DMD: variants seen among roughly 807,000 people sequenced by gnomAD.
DMD encodes dystrophin.
A neutral mutation model predicts 330.1 loss-of-function variants in DMD; 63 were observed. That is an observed-to-expected ratio of 0.19 (90% CI 0.16 to 0.24). DMD has a LOEUF of 0.24. DMD is among the 10% of genes least tolerant of loss of function. The pLI, the probability that DMD is intolerant of heterozygous loss-of-function variation, is 1.00. For missense variants in DMD, 3,344 were observed against 2,684.1 expected (o/e 1.25, Z -5.43); for synonymous variants, 1,223 against 959.8 (o/e 1.27, Z -5.07).
At chrX:32,051,519 T>A (rs2096114900) in intron 44 of DMD, among the ~76,000 whole-genome samples, 1 of 109,782 alleles carries the variant, frequency 9.1e-6, no homozygotes, top group Admixed American at 9.9e-5. Flanking sequence ...GTTAAGTATA[T>A]GGAATGCTGA....
At chrX:32,514,815 G>T (rs1253466175) in intron 18 of DMD, among the ~76,000 whole-genome samples, 6 of 112,635 alleles carry the variant, frequency 5.3e-5, no homozygotes, top group Non-Finnish European at 9.4e-5. Flanking sequence ...CATGACAGCA[G>T]GTAGCTGAAT....
intron 50 of DMD, among the ~76,000 whole-genome samples, chrX:31,792,353 G>T (rs913263185): frequency 5.4e-5 from 6 of 111,961 alleles, no homozygotes; most frequent in African/African-American, 1.6e-4. Context: ...CTGATTATCT[G>T]CACTAAAGCA....
At chrX:32,052,344 G>A (rs1374223188) in intron 44 of DMD, among the ~76,000 whole-genome samples, 1 of 110,641 alleles carries the variant, frequency 9.0e-6, no homozygotes, top group Non-Finnish European at 1.9e-5. Context: ...ACACATGGAT[G>A]AAACACTTCA....
At chrX:31,516,884 G>C in intron 55 of DMD, among the ~76,000 whole-genome samples, 1 of 111,330 alleles carries the variant, frequency 9.0e-6, no homozygotes, top group South Asian at 3.8e-4. Context: ...AAAATGCCTG[G>C]CCTAGGGTGG....
chrX:32,375,776 T>C (rs2097900165), intron 34 of DMD, among the ~76,000 whole-genome samples: 1 of 111,740 alleles, frequency 8.9e-6, no homozygotes, highest in South Asian at 3.7e-4. Flanking sequence ...TTTTATCCTT[T>C]GTGTAAATGG....
chrX:31,818,341 G>A (rs2092681994), intron 50 of DMD, among the ~76,000 whole-genome samples: 1 of 111,921 alleles, frequency 8.9e-6, no homozygotes. Context: ...TAAATAAAGT[G>A]GATGAATTAT....
chrX:31,805,757 C>G (rs1031227862), intron 50 of DMD, among the ~76,000 whole-genome samples: 10 of 112,005 alleles, frequency 8.9e-5, no homozygotes, highest in African/African-American at 2.9e-4. Flanking sequence ...ATTCTTTGTT[C>G]TGAGTAAGCA....
chrX:32,754,579 T>C (rs1341996736), intron 7 of DMD, among the ~76,000 whole-genome samples: 2 of 109,924 alleles, frequency 1.8e-5, no homozygotes, highest in Non-Finnish European at 3.8e-5. Flanking sequence ...AGTAAAAGTA[T>C]GATCTCTTCA....
Position 31,739,690 on chromosome X carries a change from T to C in DMD, c.7543-9942A>G, listed in dbSNP as rs983109577. ...GCTTAAAACCTGGATGTTGGGTTGA[T>C]GAGTATAGCAAACCACCATGATACA... is the stretch of plus-strand genomic sequence containing the variant. On this transcript the variant is annotated intron_variant, in intron 51 of 78. Coordinates refer to ENST00000357033, the MANE Select transcript of DMD (RefSeq NM_004006.3). Among the ~76,000 whole-genome samples, 4 of 109,300 alleles carry C rather than the reference T, an allele frequency of 3.7e-5. No individual in the cohort carries two copies. The Admixed American group carries it at 4.0e-4, about 11-fold the overall frequency. 94.9% of individuals were successfully genotyped at this position (109,300 alleles called of 115,157 possible).
chrX:32,336,046 ATATATAACGTTATATATAACGTGTG>A, intron 41 of DMD, among the ~76,000 whole-genome samples: 1 of 36,594 alleles, frequency 2.7e-5, no homozygotes, highest in East Asian at 1.5e-3. Flanking sequence ...TATAACGTGT[ATATATAACGTTATATATAACGTGTG>A]TATAACATGT....
chrX:32,968,035 T>C (rs891006237), intron 2 of DMD, among the ~76,000 whole-genome samples: 9 of 112,097 alleles, frequency 8.0e-5, no homozygotes, highest in African/African-American at 2.6e-4. Flanking sequence ...ATCATTTTCT[T>C]GAGAGCAAGA....
rs1194016618 is a variant in DMD at position 32,844,775 on chromosome X, C to T, written c.264+8G>A. The T allele has an allele frequency of 3.3e-6, 4 of 1,202,156 alleles. No homozygotes were observed. The Admixed American group carries it at 8.7e-5, about 26-fold the overall frequency. On this transcript the variant is annotated splice_region_variant and intron_variant, in intron 4 of 78. Coordinates refer to ENST00000357033, the MANE Select transcript of DMD (RefSeq NM_004006.3). ...CAGCATCCAGACCTTGTCCAGGGTACTACTTACATTATTGTTCTGCAAAAC... is the reference window on the plus strand; with the variant it reads ...CAGCATCCAGACCTTGTCCAGGGTATTACTTACATTATTGTTCTGCAAAAC...
At chrX:32,420,576 CT>C (rs1184750976) in intron 29 of DMD, among the ~76,000 whole-genome samples, 1 of 111,549 alleles carries the variant, frequency 9.0e-6, no homozygotes, top group Non-Finnish European at 1.9e-5. Context: ...GTTGATAGTC[CT>C]CTTAAATAAG....
At chrX:31,550,802 G>T (rs1221273912) in intron 55 of DMD, among the ~76,000 whole-genome samples, 1 of 111,929 alleles carries the variant, frequency 8.9e-6, no homozygotes, top group Non-Finnish European at 1.9e-5. Flanking sequence ...CTCAGTCTGG[G>T]TTTCCCATAC....
chrX:32,149,504 T>A (rs2096794551), intron 44 of DMD, among the ~76,000 whole-genome samples: 1 of 111,736 alleles, frequency 8.9e-6, no homozygotes, highest in African/African-American at 3.3e-5. Flanking sequence ...GTCAATAGAA[T>A]TTCAGGTGTA....
intron 2 of DMD, among the ~76,000 whole-genome samples, chrX:32,903,160 A>G (rs1481702362): frequency 9.9e-6 from 1 of 101,474 alleles, no homozygotes; most frequent in Non-Finnish European, 2.0e-5. Context: ...AAAAAAAAAA[A>G]AAAAAGAAAC....
chrX:31,491,044 T>C (rs1288429761), intron 57 of DMD, among the ~76,000 whole-genome samples: 10 of 112,665 alleles, frequency 8.9e-5, no homozygotes, highest in Non-Finnish European at 1.9e-4. Context: ...ATTACTTCCA[T>C]CTAAATCTTA....
At chrX:32,705,737 G>A (rs894221510) in intron 7 of DMD, among the ~76,000 whole-genome samples, 4 of 111,713 alleles carry the variant, frequency 3.6e-5, no homozygotes, top group African/African-American at 1.3e-4. Flanking sequence ...GGTGTGAGAT[G>A]GTATCTCATT....
At chrX:31,199,209 C>T (rs1015604250) in intron 67 of DMD, among the ~76,000 whole-genome samples, 8 of 111,793 alleles carry the variant, frequency 7.2e-5, no homozygotes, top group African/African-American at 2.6e-4. Context: ...CTCAACAGGG[C>T]TGTTTCCATG....
Sources: gnomAD v4.1 joint callset for allele counts (sites outside exome capture counted in the v4.1 genomes callset) on GRCh38, gnomAD v4.1.1 for gene constraint, MANE v1.5 for transcripts, NCBI Gene and HGNC (gene_info 2026-07-23, HGNC 2026-07-21) for gene names.